DOCK10: variants seen among roughly 807,000 people sequenced by gnomAD.
DOCK10 encodes dedicator of cytokinesis protein 10.
DOCK10 carries 145 observed loss-of-function variants against 280.1 expected under a neutral mutation model. The ratio of observed to expected loss-of-function variants is 0.52; its 90% confidence interval spans 0.45 to 0.59. DOCK10 has a LOEUF of 0.59. DOCK10 is among the 20% of genes least tolerant of loss of function. The probability of loss-of-function intolerance (pLI) is 0.00; values close to 1 mark genes in which losing one functional copy is unlikely to be tolerated. For missense variants in DOCK10, 2,368 were observed against 2,651.7 expected, an observed-to-expected ratio of 0.89 and a Z score of 2.35; for synonymous variants, 915 against 942.2, an observed-to-expected ratio of 0.97 and a Z score of 0.53.
intron 1 of DOCK10, among the ~76,000 whole-genome samples, chr2:225,024,956 G>A (rs772034403): frequency 6.6e-6 from 1 of 152,092 alleles, no homozygotes; most frequent in Non-Finnish European, 1.5e-5. Context: ...CCACAGGGAA[G>A]GGATGAACTT....
At chr2:225,026,897 G>T (rs1179318391) in intron 1 of DOCK10, among the ~76,000 whole-genome samples, 1 of 152,172 alleles carries the variant, frequency 6.6e-6, no homozygotes, top group African/African-American at 2.4e-5. Context: ...TCTGTGACCA[G>T]ATATATAGTG....
At position 224,768,992 on chromosome 2, in the gene DOCK10, G is replaced by C. The variant is rs16866163; in HGVS notation, c.6444+1219C>G. 1.9e-3 allele frequency: 846 copies of C among 450,780 alleles called. 7 individuals carry two copies. Among genetic ancestry groups the C allele is most frequent in the African/African-American group, 0.016 (788 of 49,720 alleles). 27.9% of individuals were successfully genotyped at this position (450,780 alleles called of 1,614,324 possible). A position where few individuals can be genotyped will look rare whatever the true frequency, so the allele number is the denominator to read the frequency against. ...AAGCATTTTTGTCCAAAGTTTCTAG[G>C]TCAGATGTGATTTACAGTTGGAGAC... On this transcript the variant is annotated intron_variant, in intron 55 of 55. Transcript: ENST00000258390.
chr2:224,876,921 C>G (rs1307454913), intron 7 of DOCK10, among the ~76,000 whole-genome samples: 3 of 152,182 alleles, frequency 2.0e-5, no homozygotes, highest in Non-Finnish European at 2.9e-5. Flanking sequence ...AGTGACATCC[C>G]AATTCCTTTC....
At chr2:224,932,921 A>G (rs543363709) in intron 1 of DOCK10, among the ~76,000 whole-genome samples, 3 of 152,198 alleles carry the variant, frequency 2.0e-5, no homozygotes, top group Non-Finnish European at 4.4e-5. Context: ...AAATAAAACA[A>G]ATGTGAACAT....
chr2:224,856,847 A>T lies in DOCK10; in HGVS notation c.1808+13T>A, dbSNP rs780865736. On this transcript the variant is annotated intron_variant, in intron 15 of 55. Transcript: ENST00000258390. ...TGATTTATGTTAATTTCGAGAGTAT[A>T]AAAAAAACATACCTTCTATAATCTG... The T allele has an allele frequency of 1.5e-5, 23 of 1,574,974 alleles. No homozygotes were observed. The highest frequency in any genetic ancestry group is 9.3e-5 in the South Asian group (8 of 86,102).
At chr2:224,873,865 TTAA>T (rs1559622432) in intron 11 of DOCK10, 128 bp downstream of exon 11, 2 of 914,784 alleles carry the variant, frequency 2.2e-6, no homozygotes, top group Non-Finnish European at 3.2e-6. Context: ...GAAAAGGCTG[TTAA>T]TAATATTCCC....
intron 2 of DOCK10, among the ~76,000 whole-genome samples, chr2:224,923,644 C>T (rs1456992681): frequency 6.6e-6 from 1 of 152,226 alleles, no homozygotes; most frequent in Non-Finnish European, 1.5e-5. Flanking sequence ...GCACTGCCAG[C>T]TCTCACCGGC....
At chr2:224,968,086 A>G (rs909031216) in intron 1 of DOCK10, among the ~76,000 whole-genome samples, 2 of 152,242 alleles carry the variant, frequency 1.3e-5, no homozygotes, top group African/African-American at 4.8e-5. Flanking sequence ...AACATAGAGT[A>G]AGATAACCAT....
At position 224,796,339 on chromosome 2, in the gene DOCK10, C is replaced by T. The variant is rs374429396; in HGVS notation, c.4915G>A (p.Ala1639Thr). 10 of 1,565,498 alleles carry T rather than the reference C, an allele frequency of 6.4e-6. No homozygotes were observed. In the East Asian group the frequency reaches 7.0e-5, roughly 11 times the overall value. ...QHSLAITNNF[A>T]NGDKQMKNSN... ...ACTTTCATTTGCTTATCTCCATTGG[C>T]GAAATTATTGGTAATTGCAAGCGAA... is the stretch of plus-strand genomic sequence containing the variant. The change falls in exon 44 of 56, where the codon GCC becomes ACC. Residue 1639 changes from alanine to threonine, a missense_variant. Physicochemically the swap from Ala to Thr is moderately conservative, Grantham distance 58. Coordinates refer to ENST00000258390, the MANE Select transcript of DOCK10 (RefSeq NM_014689.3).
chr2:224,799,258 T>C (rs945934698), intron 41 of DOCK10, among the ~76,000 whole-genome samples: 7 of 152,252 alleles, frequency 4.6e-5, no homozygotes, highest in African/African-American at 1.7e-4. Flanking sequence ...AATGGAATAA[T>C]ATACACTGAG....
At chr2:224,794,847 T>G (rs1692446909) in intron 45 of DOCK10, 32 bp downstream of exon 45, 10 of 1,606,092 alleles carry the variant, frequency 6.2e-6, no homozygotes, top group Non-Finnish European at 8.5e-6. Flanking sequence ...AGGACAATAC[T>G]GATGGTAAAT....
intron 16 of DOCK10, 99 bp from the exon 17 acceptor site, chr2:224,853,221 C>T: frequency 9.4e-7 from 1 of 1,066,912 alleles, no homozygotes; most frequent in Non-Finnish European, 1.3e-6. Context: ...AAGATAGAAA[C>T]TCCTGGCTTG....
At chr2:224,999,671 T>C (rs1382094741) in intron 1 of DOCK10, among the ~76,000 whole-genome samples, 6 of 151,736 alleles carry the variant, frequency 4.0e-5, no homozygotes, top group Admixed American at 2.6e-4. Context: ...AAAAATAATA[T>C]GATTCCCTCT....
chr2:224,827,237 T>C (rs886769761), intron 27 of DOCK10, among the ~76,000 whole-genome samples: 8 of 146,320 alleles, frequency 5.5e-5, no homozygotes, highest in African/African-American at 2.0e-4. Flanking sequence ...CACTCCAGTG[T>C]GGGCGACAGA....
At chr2:224,959,301 G>A (rs1267060629) in intron 1 of DOCK10, among the ~76,000 whole-genome samples, 2 of 151,936 alleles carry the variant, frequency 1.3e-5, no homozygotes, top group Non-Finnish European at 2.9e-5. Context: ...TAATCTTTCT[G>A]GACTTCTTGT....
intron 3 of DOCK10, among the ~76,000 whole-genome samples, chr2:224,908,095 C>T (rs1700771610): frequency 6.7e-6 from 1 of 148,176 alleles, no homozygotes. Flanking sequence ...TTAGGAACAT[C>T]GTGCAGACCT....
chr2:224,941,156 AC>A (rs921314680), intron 1 of DOCK10, among the ~76,000 whole-genome samples: 21 of 151,700 alleles, frequency 1.4e-4, no homozygotes, highest in Admixed American at 1.3e-3. Flanking sequence ...ATCTTCTCTC[AC>A]TGAATACCAA....
intron 1 of DOCK10, among the ~76,000 whole-genome samples, chr2:224,969,116 T>C (rs1704938210): frequency 6.6e-6 from 1 of 152,236 alleles, no homozygotes. Context: ...ATTAGGCTCC[T>C]GGCTTTTGCC....
At chr2:224,975,708 G>A (rs1472890762) in intron 1 of DOCK10, among the ~76,000 whole-genome samples, 1 of 152,118 alleles carries the variant, frequency 6.6e-6, no homozygotes, top group Non-Finnish European at 1.5e-5. Context: ...TTAAACAAAT[G>A]TATGTTCCAA....
Sources: gnomAD v4.1 joint callset for allele counts (sites outside exome capture counted in the v4.1 genomes callset) on GRCh38, gnomAD v4.1.1 for gene constraint, MANE v1.5 for transcripts, NCBI Gene and HGNC (gene_info 2026-07-23, HGNC 2026-07-21) for gene names.